The following NLRP9 variants were observed in gnomAD, a reference collection of about 807,000 sequenced individuals.
NLRP9 encodes the protein NACHT, LRR and PYD domains-containing protein 9.
Under a neutral mutation model 83.1 loss-of-function variants are expected in NLRP9, and 88 were observed. The observed-to-expected ratio is 1.06, with a 90% CI of 0.89 to 1.26. NLRP9 has a LOEUF of 1.26. NLRP9 is among the 50% of genes most tolerant of loss of function. NLRP9 has a pLI of 0.00. For synonymous variants in NLRP9, 521 were observed against 447.6 expected (o/e 1.16, Z -2.07); for missense variants, 1,308 against 1,179.3 (o/e 1.11, Z -1.60).
chr19:55,728,640 A>C (rs148829729), intron 3 of NLRP9, among the ~76,000 whole-genome samples: 98 of 152,338 alleles, frequency 6.4e-4, no homozygotes, highest in African/African-American at 2.3e-3. Context: ...CCAACTTAGC[A>C]AACAGGCCTT....
intron 4 of NLRP9, among the ~76,000 whole-genome samples, chr19:55,720,547 C>T (rs1433025794): frequency 1.3e-5 from 2 of 152,076 alleles, no homozygotes; most frequent in Non-Finnish European, 2.9e-5. Flanking sequence ...CCAGGCTGGT[C>T]TCCAACTCCT....
At chr19:55,711,674 C>A in intron 8 of NLRP9, 126 bp downstream of exon 8, 1 of 957,594 alleles carries the variant, frequency 1.0e-6, no homozygotes, top group Non-Finnish European at 1.6e-6. Flanking sequence ...AACAGGGGCC[C>A]AAGGACAGGC....
chr19:55,736,184 G>T (rs556764669), intron 1 of NLRP9, among the ~76,000 whole-genome samples: 1 of 151,998 alleles, frequency 6.6e-6, no homozygotes, highest in African/African-American at 2.4e-5. Flanking sequence ...GAGGTCAGGA[G>T]ATCGAGACCA....
rs1400545561 is a variant in NLRP9 at position 55,724,164 on chromosome 19, A to T, written c.1995-20T>A. The T allele has an allele frequency of 2.5e-6, 4 of 1,577,040 alleles. No individual in the cohort carries two copies. Among genetic ancestry groups the T allele is most frequent in the Non-Finnish European group, 3.5e-6 (4 of 1,153,668 alleles). The stretch of plus-strand genomic sequence containing the variant: ...GTAAATCTGCAAAAGATTAAAAAAA[A>T]AATAGCATCATGCAATGAGATCCCA... On this transcript the variant is annotated intron_variant, in intron 3 of 8. Transcript: ENST00000332836.
intron 6 of NLRP9, among the ~76,000 whole-genome samples, chr19:55,713,593 T>TCCTCCTCTC (rs1311131097): frequency 2.8e-5 from 1 of 35,364 alleles, no homozygotes; most frequent in Non-Finnish European, 5.6e-5. Flanking sequence ...CCTCCCCTCC[T>TCCTCCTCTC]CCTCCTCTCC....
At chr19:55,716,681 T>G (rs763586679) in intron 5 of NLRP9, 47 bp downstream of exon 5, 6 of 1,527,364 alleles carry the variant, frequency 3.9e-6, no homozygotes, top group Non-Finnish European at 5.4e-6. Context: ...TGGATCCAGG[T>G]GCACGCTTCA....
intron 5 of NLRP9, 125 bp downstream of exon 5, chr19:55,716,603 C>G (rs1988023226): frequency 1.3e-6 from 1 of 761,384 alleles, no homozygotes; most frequent in East Asian, 2.5e-5. Context: ...GAAAGGAACT[C>G]AGGTCTAGCT....
At chr19:55,729,131 A>C (rs1423334131) in intron 3 of NLRP9, among the ~76,000 whole-genome samples, 1 of 147,394 alleles carries the variant, frequency 6.8e-6, no homozygotes, top group African/African-American at 2.5e-5. Flanking sequence ...TCACCTGAGA[A>C]ACATCTATTC....
intron 2 of NLRP9, among the ~76,000 whole-genome samples, chr19:55,731,490 G>A (rs865795308): frequency 6.6e-6 from 1 of 152,072 alleles, no homozygotes; most frequent in Non-Finnish European, 1.5e-5. Context: ...TTGGGAGGCC[G>A]AGATGGGTGG....
At chr19:55,731,015 C>A (rs1166434657) in intron 2 of NLRP9, among the ~76,000 whole-genome samples, 2 of 152,152 alleles carry the variant, frequency 1.3e-5, no homozygotes, top group African/African-American at 4.8e-5. Flanking sequence ...TGACCCTGGA[C>A]AAGCTATTCA....
intron 6 of NLRP9, among the ~76,000 whole-genome samples, chr19:55,713,612 C>T (rs1463361178): frequency 7.4e-6 from 1 of 135,754 alleles, no homozygotes; most frequent in Admixed American, 7.1e-5. Flanking sequence ...CCCTCCTCCC[C>T]TCTCCCTCTT....
chr19:55,711,867 C>T lies in NLRP9; in HGVS notation c.2776G>A (p.Asp926Asn). The T allele has an allele frequency of 6.2e-7, 1 of 1,613,416 alleles. No homozygotes were observed. Among genetic ancestry groups the T allele is most frequent in the Non-Finnish European group, 8.5e-7 (1 of 1,179,960 alleles). Reference protein sequence around the residue: ...RSLNLDWIALDADAVVVLCEA... With the variant: ...RSLNLDWIALNADAVVVLCEA... Reference sequence around the variant, plus strand: ...CACAGCACCACCACTGCATCAGCATCCAAGGCAATCCAGTCGAGGTTCAGG... The same window carrying T: ...CACAGCACCACCACTGCATCAGCATTCAAGGCAATCCAGTCGAGGTTCAGG... The change falls in exon 8 of 9, where the codon GAT becomes AAT. Residue 926 changes from aspartate to asparagine, a missense_variant. Coordinates refer to ENST00000332836, the MANE Select transcript of NLRP9 (RefSeq NM_176820.4).
At chr19:55,723,747 A>AAAT (rs1988307148) in intron 4 of NLRP9, among the ~76,000 whole-genome samples, 1 of 151,038 alleles carries the variant, frequency 6.6e-6, no homozygotes, top group African/African-American at 2.4e-5. Flanking sequence ...AAAAAAAAAA[A>AAAT]AAGAAGTAAT....
At chr19:55,714,600 G>A (rs966679891) in intron 6 of NLRP9, among the ~76,000 whole-genome samples, 2 of 151,016 alleles carry the variant, frequency 1.3e-5, no homozygotes, top group Admixed American at 6.6e-5. Context: ...TTTTTTTTCA[G>A]AAGACACCAT....
chr19:55,713,654 C>CT (rs1568593522), intron 6 of NLRP9, among the ~76,000 whole-genome samples: 2 of 118,578 alleles, frequency 1.7e-5, no homozygotes, highest in Non-Finnish European at 3.6e-5. Context: ...CCTCTCCCTC[C>CT]CCACCTCTCC....
At position 55,724,030 on chromosome 19, in the gene NLRP9, T is replaced by C. The variant is rs746665781; in HGVS notation, c.2109A>G (p.Arg703=). Reference sequence around the variant, plus strand: ...GATGTTTCAGCGTCTCACACAGGTGTCTGATGTCAGACTGGGAGAGGCTAG... The same window carrying C: ...GATGTTTCAGCGTCTCACACAGGTGCCTGATGTCAGACTGGGAGAGGCTAG... ...YGTSLSQSDI[R]HLCETLKHPM... The change falls in exon 4 of 9, where the codon AGA becomes AGG. Residue 703 remains arginine, a synonymous_variant. Transcript: ENST00000332836. 2 of 1,613,920 alleles carry C rather than the reference T, an allele frequency of 1.2e-6. No individual in the cohort carries two copies. The highest frequency in any genetic ancestry group is 8.5e-7 in the Non-Finnish European group (1 of 1,179,924).
intron 2 of NLRP9, among the ~76,000 whole-genome samples, 177 bp downstream of exon 2, chr19:55,731,822 G>C (rs1228070465): frequency 6.6e-6 from 1 of 151,808 alleles, no homozygotes; most frequent in Non-Finnish European, 1.5e-5. Flanking sequence ...AATGGAAAAA[G>C]TTCAAGAAGT....
intron 1 of NLRP9, among the ~76,000 whole-genome samples, chr19:55,734,213 G>A (rs1299750704): frequency 2.7e-5 from 4 of 150,674 alleles, no homozygotes; most frequent in Non-Finnish European, 4.4e-5. Flanking sequence ...GTGAGCCACC[G>A]CGCCCGGCTG....
intron 4 of NLRP9, among the ~76,000 whole-genome samples, chr19:55,721,503 C>A (rs1988224907): frequency 6.6e-6 from 1 of 152,112 alleles, no homozygotes; most frequent in Non-Finnish European, 1.5e-5. Flanking sequence ...GCCAAGCTGA[C>A]CCCCTCCCAC....
Sources: gnomAD v4.1 joint callset for allele counts (sites outside exome capture counted in the v4.1 genomes callset) on GRCh38, gnomAD v4.1.1 for gene constraint, MANE v1.5 for transcripts, NCBI Gene and HGNC (gene_info 2026-07-23, HGNC 2026-07-21) for gene names.